WDR41: variants seen among roughly 807,000 people sequenced by gnomAD.
WDR41 encodes WD repeat-containing protein 41.
In WDR41, 63 loss-of-function variants were observed where a neutral mutation model predicts 69.3. The observed-to-expected ratio is 0.91, with a 90% CI of 0.74 to 1.12. WDR41 has a LOEUF of 1.12. Ranked by LOEUF, WDR41 falls within the 50% of genes most tolerant of loss-of-function variation. The pLI, the probability that WDR41 is intolerant of heterozygous loss-of-function variation, is 0.00. For missense variants in WDR41, 543 were observed against 534.5 expected, an observed-to-expected ratio of 1.02 and a Z score of -0.16; for synonymous variants, 185 against 192.1, an observed-to-expected ratio of 0.96 and a Z score of 0.31.
intron 2 of WDR41, among the ~76,000 whole-genome samples, chr5:77,488,934 A>C (rs1219657952): frequency 6.6e-6 from 1 of 152,178 alleles, no homozygotes; most frequent in Non-Finnish European, 1.5e-5. Context: ...TAAAGCCTAT[A>C]CACCTTCACC....
Position 77,479,967 on chromosome 5 carries a change from A to T in WDR41, c.167+9490T>A, listed in dbSNP as rs985980792. Reference sequence around the variant, plus strand: ...TCCAGAATCTACAATGAACTCCAACAAATTTACAAGAAAAAAACAAACAAC... The same window carrying T: ...TCCAGAATCTACAATGAACTCCAACTAATTTACAAGAAAAAAACAAACAAC... On this transcript the variant is annotated intron_variant, in intron 2 of 12. Coordinates refer to ENST00000296679, the MANE Select transcript of WDR41 (RefSeq NM_018268.4). 4.0e-3 allele frequency: 616 copies of T among 152,226 alleles called. 6 individuals carry two copies. The highest frequency in any genetic ancestry group is 0.014 in the African/African-American group (598 of 41,502). 9.4% of individuals were successfully genotyped at this position (152,226 alleles called of 1,614,324 possible).
At position 77,453,814 on chromosome 5, in the gene WDR41, T is replaced by C. The variant is rs1366807700; in HGVS notation, c.523+3A>G. 3 of 1,609,832 alleles carry C rather than the reference T, an allele frequency of 1.9e-6. No individual in the cohort carries two copies. Among genetic ancestry groups the C allele is most frequent in the Non-Finnish European group, 2.6e-6 (3 of 1,176,114 alleles). On this transcript the variant is annotated splice_donor_region_variant and intron_variant, in intron 6 of 12. Transcript: ENST00000296679. ...AGTTCAAAATTACCTTGATGTTTTT[T>C]ACCTGTATCAGAAAGGTGGCTAGTC...
intron 1 of WDR41, among the ~76,000 whole-genome samples, chr5:77,556,095 CTTTTTTTTTTTTT>C (rs34372647): frequency 3.5e-5 from 2 of 57,690 alleles, no homozygotes; most frequent in Non-Finnish European, 6.3e-5. Context: ...AAAAGATGGA[CTTTTTTTTTTTTT>C]TTTTTTTTTT....
chr5:77,493,912 C>T (rs1012533251), upstream of WDR41, among the ~76,000 whole-genome samples: 1 of 152,168 alleles, frequency 6.6e-6, no homozygotes, highest in Admixed American at 6.5e-5. Flanking sequence ...AGCACTGGTC[C>T]AGGGTTGAAC....
At position 77,485,848 on chromosome 5, in the gene WDR41, T is replaced by G. The variant is rs1291012013; in HGVS notation, c.167+3609A>C. On this transcript the variant is annotated intron_variant, in intron 2 of 12. Transcript: ENST00000296679. The stretch of plus-strand genomic sequence containing the variant: ...AAATTTTCCACTCACTGATTTTAGC[T>G]GAGCCACTGAGAAAACAAGAAAATC... Among the ~76,000 whole-genome samples the G allele has an allele frequency of 2.0e-5, 3 of 152,016 alleles. No individual in the cohort carries two copies. The East Asian group carries it at 5.8e-4, about 29-fold the overall frequency.
At chr5:77,579,082 A>G (rs912478401) in intron 1 of WDR41, among the ~76,000 whole-genome samples, 2 of 152,138 alleles carry the variant, frequency 1.3e-5, no homozygotes, top group African/African-American at 2.4e-5. Context: ...AGGTAAATCA[A>G]CTGAGATTAT....
intron 1 of WDR41, among the ~76,000 whole-genome samples, chr5:77,521,962 A>C (rs1430694066): frequency 6.6e-6 from 1 of 152,206 alleles, no homozygotes; most frequent in Non-Finnish European, 1.5e-5. Flanking sequence ...CTTCAGCTTG[A>C]ATCCTGGTTG....
In WDR41 at chr5:77,611,141, C is replaced by A. The variant is rs990323988; in HGVS notation, c.42+9338G>T. ...TATACATGCACCCAATACAGGAGCA[C>A]CCAGATTCATAAAGCAAGTCCTGAG... On this transcript the variant is annotated intron_variant, in intron 1 of 5. Coordinates refer to the WDR41 transcript ENST00000509971. Among the ~76,000 whole-genome samples, 145 of 151,886 alleles carry A rather than the reference C, an allele frequency of 9.5e-4. No individual in the cohort carries two copies. The Middle Eastern group carries it at 0.01, about 11-fold the overall frequency.
rs190464824 is a variant in WDR41 at position 77,586,423 on chromosome 5, G to C, written c.42+34056C>G. 2.2e-3 allele frequency among the ~76,000 whole-genome samples: 327 copies of C among 152,026 alleles called. 2 individuals are homozygous for C. The highest frequency in any genetic ancestry group is 7.6e-3 in the African/African-American group (317 of 41,448). On this transcript the variant is annotated intron_variant, in intron 1 of 5. Transcript: ENST00000509971. ...CTGGATTCAGTTGATCCTCCCACTT[G>C]AGCCTCTCCAGTAATTGAAACTACA...
intron 1 of WDR41, among the ~76,000 whole-genome samples, chr5:77,608,238 ATG>A (rs1744464566): frequency 1.3e-5 from 2 of 152,202 alleles, no homozygotes; most frequent in Admixed American, 1.3e-4. Flanking sequence ...ATGTTGTAGC[ATG>A]TGTCAGAATT....
At chr5:77,611,235 T>C (rs1196467190) in intron 1 of WDR41, among the ~76,000 whole-genome samples, 1 of 151,988 alleles carries the variant, frequency 6.6e-6, no homozygotes, top group Admixed American at 6.6e-5. Flanking sequence ...CTGTCAACAT[T>C]AGACAGATCA....
At chr5:77,559,073 A>G (rs1455537843) in intron 1 of WDR41, among the ~76,000 whole-genome samples, 1 of 152,186 alleles carries the variant, frequency 6.6e-6, no homozygotes, top group East Asian at 1.9e-4. Flanking sequence ...TAACAGACAC[A>G]TGTATTGAGT....
intron 1 of WDR41, among the ~76,000 whole-genome samples, chr5:77,532,438 C>G (rs1802540823): frequency 6.6e-6 from 1 of 152,082 alleles, no homozygotes; most frequent in African/African-American, 2.4e-5. Flanking sequence ...TCCAGCAATC[C>G]TTCTTGTAGG....
intron 1 of WDR41, among the ~76,000 whole-genome samples, chr5:77,596,546 T>C (rs1056351798): frequency 2.0e-5 from 3 of 152,102 alleles, no homozygotes; most frequent in Non-Finnish European, 4.4e-5. Context: ...TTTTCTAAAT[T>C]GAAATGGAGT....
intron 1 of WDR41, among the ~76,000 whole-genome samples, chr5:77,490,525 C>T (rs542788220): frequency 6.6e-6 from 1 of 152,128 alleles, no homozygotes; most frequent in East Asian, 1.9e-4. Flanking sequence ...AAATTCACAG[C>T]AGTTATACAA....
At chr5:77,588,351 CA>C (rs888814806) in intron 1 of WDR41, among the ~76,000 whole-genome samples, 1 of 151,226 alleles carries the variant, frequency 6.6e-6, no homozygotes, top group African/African-American at 2.4e-5. Context: ...AAATCTTTGC[CA>C]AAAAAAATGC....
intron 1 of WDR41, among the ~76,000 whole-genome samples, chr5:77,527,679 T>C (rs1802468904): frequency 6.6e-6 from 1 of 151,904 alleles, no homozygotes; most frequent in South Asian, 2.1e-4. Flanking sequence ...TTTTCAAAAA[T>C]TGAGCATGTG....
chr5:77,606,685 C>T (rs994100676), intron 1 of WDR41, among the ~76,000 whole-genome samples: 7 of 151,922 alleles, frequency 4.6e-5, no homozygotes, highest in African/African-American at 1.7e-4. Flanking sequence ...CACCAGTAGT[C>T]CCAGCTACTC....
chr5:77,569,353 T>G (rs890177500), intron 1 of WDR41, among the ~76,000 whole-genome samples: 5 of 152,210 alleles, frequency 3.3e-5, no homozygotes, highest in African/African-American at 1.2e-4. Context: ...GTCATATTAT[T>G]AAGTACATGC....
Sources: allele counts gnomAD v4.1 joint callset (sites outside exome capture counted in the v4.1 genomes callset), GRCh38; gene constraint gnomAD v4.1.1; transcripts MANE v1.5; gene names NCBI Gene and HGNC (gene_info 2026-07-23, HGNC 2026-07-21).